CATSPERB: variants seen among roughly 807,000 people sequenced by gnomAD.
CATSPERB encodes the protein catsper channel auxiliary subunit beta.
Under a neutral mutation model 128.3 loss-of-function variants are expected in CATSPERB, and 93 were observed. That is an observed-to-expected ratio of 0.72 (90% CI 0.61 to 0.86). The LOEUF is 0.86. Among genes scored for constraint, CATSPERB ranks in the 40% least tolerant of loss-of-function variants. The pLI, the probability that CATSPERB is intolerant of heterozygous loss-of-function variation, is 0.00. For missense variants in CATSPERB, 1,153 were observed against 1,329.5 expected, an observed-to-expected ratio of 0.87 and a Z score of 2.06; for synonymous variants, 381 against 448.8, an observed-to-expected ratio of 0.85 and a Z score of 1.91.
chr14:91,716,531 T>A (rs1895942243), intron 5 of CATSPERB, among the ~76,000 whole-genome samples: 1 of 151,986 alleles, frequency 6.6e-6, no homozygotes, highest in East Asian at 1.9e-4. Context: ...TGAGCTGAGA[T>A]TGCACCACTG....
chr14:91,623,234 T>G (rs1894089014), intron 18 of CATSPERB, among the ~76,000 whole-genome samples: 1 of 152,066 alleles, frequency 6.6e-6, no homozygotes, highest in Non-Finnish European at 1.5e-5. Flanking sequence ...ACTGGCCAAT[T>G]TTCATTCCTT....
intron 19 of CATSPERB, 53 bp from the exon 20 acceptor site, chr14:91,617,789 A>G: frequency 8.0e-7 from 1 of 1,250,502 alleles, no homozygotes; most frequent in South Asian, 1.4e-5. Context: ...TGTAAACTCA[A>G]TTGAATAATG....
chr14:91,635,721 T>C (rs1181152339), intron 17 of CATSPERB: 1 of 152,218 alleles, frequency 6.6e-6, no homozygotes, highest in African/African-American at 2.4e-5. Context: ...TATTGACTCT[T>C]ACTGTAAGCA....
chr14:91,594,417 T>C (rs1428467676), intron 22 of CATSPERB, among the ~76,000 whole-genome samples: 1 of 151,644 alleles, frequency 6.6e-6, no homozygotes, highest in Non-Finnish European at 1.5e-5. Context: ...ACATGGCACA[T>C]GTATACATAT....
At position 91,587,201 on chromosome 14, in the gene CATSPERB, C is replaced by T. The variant is rs200553124; in HGVS notation, c.3132+1G>A. 2.5e-5 allele frequency: 40 copies of T among 1,599,076 alleles called. No homozygotes were observed. Among genetic ancestry groups the T allele is most frequent in the Non-Finnish European group, 3.2e-5 (38 of 1,173,236 alleles). On this transcript the variant is annotated splice_donor_variant, in intron 26 of 26. Transcript: ENST00000256343. LOFTEE classifies it high-confidence loss of function. ...TCTGATGCCAAGTGCATCCATTTTA[C>T]CTGAAATTCTTCAATTAAGTTACAA...
Position 91,626,813 on chromosome 14 carries a change from A to C in CATSPERB, c.1743-1806T>G, listed in dbSNP as rs189711383. ...TTATAGCAGCATGAAACAGACTAAG[A>C]AGATACACCTAACAAAATTTACCAT... On this transcript the variant is annotated intron_variant, in intron 17 of 26. Transcript: ENST00000256343. Among the ~76,000 whole-genome samples, 7 of 152,338 alleles carry C rather than the reference A, an allele frequency of 4.6e-5. No homozygotes were observed. The South Asian group carries it at 6.2e-4, about 14-fold the overall frequency.
At chr14:91,612,421 G>T (rs1282611711) in intron 20 of CATSPERB, among the ~76,000 whole-genome samples, 9 of 152,092 alleles carry the variant, frequency 5.9e-5, no homozygotes, top group Admixed American at 5.9e-4. Context: ...AAAGTGTTGG[G>T]AACAGAGGTA....
chr14:91,716,039 A>G (rs1895931903), intron 5 of CATSPERB, among the ~76,000 whole-genome samples: 1 of 152,222 alleles, frequency 6.6e-6, no homozygotes, highest in African/African-American at 2.4e-5. Context: ...CTGTGATATC[A>G]AAAGTACCAT....
At chr14:91,661,978 T>A (rs1396739367) in intron 14 of CATSPERB, among the ~76,000 whole-genome samples, 3 of 152,180 alleles carry the variant, frequency 2.0e-5, no homozygotes, top group Admixed American at 2.0e-4. Context: ...TTACTCATGA[T>A]CAGAATGAAA....
At chr14:91,651,121 A>C (rs1189174416) in intron 15 of CATSPERB, among the ~76,000 whole-genome samples, 1 of 152,176 alleles carries the variant, frequency 6.6e-6, no homozygotes, top group African/African-American at 2.4e-5. Flanking sequence ...TATGAATTGC[A>C]ATCTTTGTGC....
In CATSPERB at chr14:91,672,991, T is replaced by A. The variant is rs1400114593; in HGVS notation, c.1004A>T (p.Glu335Val). The A allele has an allele frequency of 6.3e-7, 1 of 1,580,532 alleles. No homozygotes were observed. The highest frequency in any genetic ancestry group is 2.1e-5 in the Admixed American group (1 of 47,626). ...GCAGGGTACCCATTCAAGAAATGGT[T>A]CCTGACTATAAAAACAAGAGCTTGA... ...SESSSCFYSQ[E>V]PFLEWVPCLP... Residue 335 changes from glutamate to valine, a missense_variant, in exon 13 of 27, where the codon GAA becomes GTA. Transcript: ENST00000256343.
chr14:91,726,378 G>A (rs1015020029), intron 2 of CATSPERB, among the ~76,000 whole-genome samples: 3 of 152,152 alleles, frequency 2.0e-5, no homozygotes, highest in Non-Finnish European at 2.9e-5. Context: ...TCCCCATCCC[G>A]TAAGGGGTTC....
intron 15 of CATSPERB, 141 bp from the exon 16 acceptor site, chr14:91,639,391 T>C (rs1212742545): frequency 1.5e-6 from 1 of 658,828 alleles, no homozygotes; most frequent in Non-Finnish European, 2.5e-6. Context: ...GGAAAATGCA[T>C]GTTAGTTTTT....
chr14:91,607,164 C>T (rs975785952), intron 22 of CATSPERB, among the ~76,000 whole-genome samples: 4 of 150,986 alleles, frequency 2.6e-5, no homozygotes, highest in African/African-American at 9.8e-5. Flanking sequence ...CTGTTCTGGG[C>T]ACTGGGGATA....
intron 18 of CATSPERB, among the ~76,000 whole-genome samples, chr14:91,623,367 A>G (rs994687308): frequency 6.6e-6 from 1 of 152,100 alleles, no homozygotes; most frequent in Non-Finnish European, 1.5e-5. Flanking sequence ...AATATCCTTT[A>G]ATGATTCTCC....
chr14:91,632,026 A>C (rs1894287148), intron 17 of CATSPERB, among the ~76,000 whole-genome samples: 1 of 152,166 alleles, frequency 6.6e-6, no homozygotes. Context: ...GGTAAGCAAG[A>C]AGAGAAGACA....
intron 22 of CATSPERB, among the ~76,000 whole-genome samples, chr14:91,598,000 TTA>T: frequency 6.6e-6 from 1 of 151,804 alleles, no homozygotes; most frequent in African/African-American, 2.4e-5. Flanking sequence ...GTTTTTTTTT[TTA>T]AATATATAAA....
chr14:91,715,750 A>G (rs1186921273), intron 5 of CATSPERB, among the ~76,000 whole-genome samples: 2 of 152,114 alleles, frequency 1.3e-5, no homozygotes, highest in Non-Finnish European at 2.9e-5. Context: ...AAGGACTAAC[A>G]TGGCTTACAA....
intron 15 of CATSPERB, among the ~76,000 whole-genome samples, chr14:91,659,559 C>T (rs1452916598): frequency 6.6e-6 from 1 of 152,174 alleles, no homozygotes; most frequent in Non-Finnish European, 1.5e-5. Context: ...TTGTAACATG[C>T]TGAGCACAAT....
Sources: allele counts gnomAD v4.1 joint callset (sites outside exome capture counted in the v4.1 genomes callset), GRCh38; gene constraint gnomAD v4.1.1; transcripts MANE v1.5; gene names NCBI Gene and HGNC (gene_info 2026-07-23, HGNC 2026-07-21).